Variants in CUBN observed in about 807,000 individuals in gnomAD.
CUBN encodes the protein cubilin.
A neutral mutation model predicts 405.3 loss-of-function variants in CUBN; 282 were observed. The observed-to-expected ratio is 0.70, with a 90% CI of 0.63 to 0.77. The LOEUF is 0.77. CUBN is among the 30% of genes least tolerant of loss of function. CUBN has a pLI of 0.00. For synonymous variants in CUBN, 1,684 were observed against 1,617.0 expected (o/e 1.04, Z -0.99); for missense variants, 4,514 against 4,475.2 (o/e 1.01, Z -0.25).
intron 4 of CUBN, among the ~76,000 whole-genome samples, chr10:17,126,101 G>T (rs865865423): frequency 3.4e-4 from 52 of 152,150 alleles, no homozygotes; most frequent in African/African-American, 1.2e-3. Context: ...GAATATTTTT[G>T]CAGAAATTCT....
Position 16,982,473 on chromosome 10 carries a change from A to T in CUBN, c.4695+11T>A. The T allele has an allele frequency of 1.2e-6, 2 of 1,610,320 alleles. No individual in the cohort carries two copies. Among genetic ancestry groups the T allele is most frequent in the South Asian group, 1.1e-5 (1 of 90,998 alleles). On this transcript the variant is annotated intron_variant, in intron 31 of 66. Coordinates refer to ENST00000377833, the MANE Select transcript of CUBN (RefSeq NM_001081.4). Reference sequence around the variant, plus strand: ...TGACTGGAGACAATGCTTGAAATTTATGTCACTTACCATAATACAAGAGTC... The same window carrying T: ...TGACTGGAGACAATGCTTGAAATTTTTGTCACTTACCATAATACAAGAGTC...
chr10:17,004,674 C>CTTT (rs10637688), intron 28 of CUBN, among the ~76,000 whole-genome samples: 56,428 of 140,906 alleles, frequency 0.4, 11,689 homozygotes, highest in East Asian at 0.59. Flanking sequence ...CTAAATAGCT[C>CTTT]TTTTTTTTTT....
chr10:17,105,229 G>A (rs1836597712), intron 11 of CUBN, among the ~76,000 whole-genome samples: 1 of 152,130 alleles, frequency 6.6e-6, no homozygotes, highest in Non-Finnish European at 1.5e-5. Flanking sequence ...AGATCAAACT[G>A]CAGGCGTAGT....
At position 16,890,456 on chromosome 10, in the gene CUBN, G is replaced by A. The variant is rs773719757; in HGVS notation, c.8670C>T (p.Pro2890=). 6.2e-6 allele frequency: 10 copies of A among 1,613,964 alleles called. No individual in the cohort carries two copies. The Admixed American group carries it at 6.7e-5, about 11-fold the overall frequency. The part of the protein sequence containing the change: ...ATGCGNVAPG[P]VITPSNTFTA... ...TGAATGTGTTACTTGGTGTGATAACGGGACCCGGAGCCACGTTCCCACAGC... is the reference window on the plus strand; with the variant it reads ...TGAATGTGTTACTTGGTGTGATAACAGGACCCGGAGCCACGTTCCCACAGC... The change falls in exon 55 of 67, where the codon CCC becomes CCT. Residue 2890 remains proline (P), a synonymous_variant. Coordinates refer to ENST00000377833, the MANE Select transcript of CUBN (RefSeq NM_001081.4).
intron 21 of CUBN, among the ~76,000 whole-genome samples, chr10:17,066,046 C>T (rs1478729834): frequency 6.6e-6 from 1 of 152,176 alleles, no homozygotes; most frequent in African/African-American, 2.4e-5. Flanking sequence ...GCCTTGCCTT[C>T]CTCATCCCTA....
chr10:16,996,311 G>C (rs1419598342), intron 28 of CUBN, among the ~76,000 whole-genome samples: 1 of 152,176 alleles, frequency 6.6e-6, no homozygotes, highest in South Asian at 2.1e-4. Context: ...CTTTATAAAA[G>C]TTTTAGAGCT....
intron 22 of CUBN, among the ~76,000 whole-genome samples, chr10:17,052,890 A>T (rs1023897881): frequency 2.0e-5 from 3 of 150,976 alleles, no homozygotes; most frequent in Admixed American, 2.0e-4. Context: ...AGCACACAGA[A>T]GGATAGGCAC....
chr10:17,125,474 C>G (rs1391321628), intron 4 of CUBN, among the ~76,000 whole-genome samples: 1 of 152,198 alleles, frequency 6.6e-6, no homozygotes, highest in Admixed American at 6.5e-5. Flanking sequence ...CTATTTTTCT[C>G]TTTGTGCTAG....
intron 63 of CUBN, among the ~76,000 whole-genome samples, chr10:16,835,645 G>A (rs1839146803): frequency 7.2e-6 from 1 of 139,282 alleles, no homozygotes; most frequent in Admixed American, 7.5e-5. Context: ...AATACCAAAA[G>A]TACTTTCGTT....
At chr10:17,045,868 C>CA (rs1289261769) in intron 24 of CUBN, 66 bp downstream of exon 24, 1 of 1,525,918 alleles carries the variant, frequency 6.6e-7, no homozygotes, top group African/African-American at 1.4e-5. Flanking sequence ...CAGAGCATGA[C>CA]AATCCCAGAA....
intron 28 of CUBN, among the ~76,000 whole-genome samples, chr10:17,006,960 T>G (rs1438237483): frequency 3.3e-5 from 5 of 152,218 alleles, no homozygotes; most frequent in Non-Finnish European, 5.9e-5. Context: ...CCCTTAGCCC[T>G]GCTCCTGCAA....
At chr10:16,850,694 A>G (rs1839660823) in intron 60 of CUBN, among the ~76,000 whole-genome samples, 1 of 152,134 alleles carries the variant, frequency 6.6e-6, no homozygotes, top group Non-Finnish European at 1.5e-5. Flanking sequence ...GCTGGTCTCA[A>G]ACTCCTGGCC....
At chr10:16,952,211 A>T in intron 33 of CUBN, 65 bp downstream of exon 33, 1 of 1,158,598 alleles carries the variant, frequency 8.6e-7, no homozygotes, top group Non-Finnish European at 1.3e-6. Context: ...GGTTACTCAT[A>T]GACTGACCTT....
At position 16,948,544 on chromosome 10, in the gene CUBN, T is replaced by C. The variant is rs977194312; in HGVS notation, c.5143A>G (p.Arg1715Gly). The C allele has an allele frequency of 1.2e-6, 2 of 1,613,938 alleles. No individual in the cohort carries two copies. The highest frequency in any genetic ancestry group is 2.7e-5 in the African/African-American group (2 of 74,920). Residue 1715 changes from arginine (R) to glycine (G), a missense_variant, in exon 35 of 67, where the codon AGA becomes GGA. This residue lies in a region of CUBN where 1,613 missense variants were observed against 1,542.8 expected (regional missense o/e 1.05). Transcript: ENST00000377833. ...CTGATGCTAGAATCAGAGACGAATC[T>C]CAGCGTCAGGGCGCTGCTGAAGGAT... ...ITSFSSALTL[R>G]FVSDSSISAG...
Position 16,889,942 on chromosome 10 carries a change from A to AAAAAAAAAAAAAAAAAACAAAACAAAAC in CUBN, c.8755+428_8755+429insGTTTTGTTTTGTTTTTTTTTTTTTTTTT, listed in dbSNP as rs1554788548. 1.2e-4 allele frequency among the ~76,000 whole-genome samples: 16 copies of AAAAAAAAAAAAAAAAAACAAAACAAAAC among 136,304 alleles called. 1 individual carries two copies. Among genetic ancestry groups the AAAAAAAAAAAAAAAAAACAAAACAAAAC allele is most frequent in the African/African-American group, 4.7e-4 (16 of 34,122 alleles). 89.4% of individuals were successfully genotyped at this position (136,304 alleles called of 152,430 possible). A position where few individuals can be genotyped will look rare whatever the true frequency, so the allele number is the denominator to read the frequency against. On this transcript the variant is annotated intron_variant, in intron 55 of 66. Transcript: ENST00000377833. ...CAGAGTGAGACGCCGTGTCAAAAAA[A>AAAAAAAAAAAAAAAAAACAAAACAAAAC]AAAAAAAAAAACAGGAAAGACTTCG...
rs145537365 is a variant in CUBN, at chr10:16,915,924, C to T, written c.7107G>A (p.Gly2369=). The T allele has an allele frequency of 4.9e-5, 79 of 1,613,616 alleles. No individual in the cohort carries two copies. Among genetic ancestry groups the T allele is most frequent in the Non-Finnish European group, 6.2e-5 (73 of 1,179,664 alleles). Residue 2369 remains glycine, a synonymous_variant, in exon 46 of 67, where the codon GGG becomes GGA. Coordinates refer to ENST00000377833, the MANE Select transcript of CUBN (RefSeq NM_001081.4). Reference sequence around the variant, plus strand: ...AGATGGTGAGATAGTGTCCAGAGAGCCCCTGGAGATGCCACTCACAGAATA... The same window carrying T: ...AGATGGTGAGATAGTGTCCAGAGAGTCCCTGGAGATGCCACTCACAGAATA... ...DNLFCEWHLQ[G]LSGHYLTISF...
At chr10:17,105,197 GT>G (rs1416385920) in intron 11 of CUBN, among the ~76,000 whole-genome samples, 3 of 152,128 alleles carry the variant, frequency 2.0e-5, no homozygotes, top group Non-Finnish European at 2.9e-5. Context: ...AATGGTAATT[GT>G]TTTGTATGTC....
chr10:16,925,386 T>C lies in CUBN; in HGVS notation c.6501A>G (p.Gly2167=). The change falls in exon 43 of 67, where the codon GGA becomes GGG. Residue 2167 remains glycine, a synonymous_variant. Transcript: ENST00000377833. ...AAAAATGACCATTTCCTCCAGGGGGTCCCAAGGGTGGAGAACAGATATCAG... is the reference window on the plus strand; with the variant it reads ...AAAAATGACCATTTCCTCCAGGGGGCCCCAAGGGTGGAGAACAGATATCAG... The part of the protein sequence containing the change: ...NGPDICSPPL[G]PPGGNGHFCG... 6.2e-7 allele frequency: 1 copy of C among 1,613,818 alleles called. No homozygotes were observed. Among genetic ancestry groups the C allele is most frequent in the Non-Finnish European group, 8.5e-7 (1 of 1,179,872 alleles).
At chr10:16,867,179 G>A (rs1206872783) in intron 59 of CUBN, among the ~76,000 whole-genome samples, 2 of 152,186 alleles carry the variant, frequency 1.3e-5, no homozygotes, top group Non-Finnish European at 2.9e-5. Flanking sequence ...TTTCCAGGCT[G>A]AGCAAACAGC....
Sources: gnomAD v4.1 joint callset for allele counts (sites outside exome capture counted in the v4.1 genomes callset) on GRCh38, gnomAD v4.1.1 for gene constraint, gnomAD v4.1.1 regional missense constraint, MANE v1.5 for transcripts, NCBI Gene and HGNC (gene_info 2026-07-23, HGNC 2026-07-21) for gene names.